Variants in NSMCE4A observed in about 807,000 individuals in gnomAD.
NSMCE4A encodes NSE4A component of SMC5/6 complex.
In NSMCE4A, 40 loss-of-function variants were observed where a neutral mutation model predicts 47.9. The ratio of observed to expected loss-of-function variants is 0.83; its 90% CI spans 0.65 to 1.09. The LOEUF (loss-of-function observed/expected upper bound fraction) is 1.09, where lower values mean the gene tolerates loss of function less well. NSMCE4A is among the 50% of genes least tolerant of loss of function. The probability of loss-of-function intolerance (pLI) is 0.00; values close to 1 mark genes in which losing one functional copy is unlikely to be tolerated. For synonymous variants in NSMCE4A, 166 were observed against 178.5 expected, an observed-to-expected ratio of 0.93 and a Z score of 0.56; for missense variants, 500 against 507.0, an observed-to-expected ratio of 0.99 and a Z score of 0.13.
At chr10:121,972,826 G>A (rs1052992481) in intron 2 of NSMCE4A, among the ~76,000 whole-genome samples, 1 of 152,132 alleles carries the variant, frequency 6.6e-6, no homozygotes, top group African/African-American at 2.4e-5. Flanking sequence ...GATGGGGAAT[G>A]GTAAGGAGGC....
chr10:121,974,676 C>T, intron 1 of NSMCE4A, 198 bp downstream of exon 1: 1 of 1,102,482 alleles, frequency 9.1e-7, no homozygotes, highest in Non-Finnish European at 1.1e-6. Flanking sequence ...GCGCCAAGGT[C>T]GTACGGCTCC....
At position 121,960,242 on chromosome 10, in the gene NSMCE4A, A is replaced by G. The variant is rs1477177280; in HGVS notation, c.988+116T>C. On this transcript the variant is annotated intron_variant, in intron 8 of 10. Coordinates refer to ENST00000369023, the MANE Select transcript of NSMCE4A (RefSeq NM_017615.3). This position sits in a 1 kb window ranked among gnomAD's most constrained non-coding sequence, Gnocchi z 4.2. ...ATCTTCAGGTAGTTGAGCAAGATAC[A>G]ATATTGTAAAAGTTAATCTACATTG... is the stretch of plus-strand genomic sequence containing the variant. 2.9e-6 allele frequency: 2 copies of G among 693,654 alleles called. No homozygotes were observed. The highest frequency in any genetic ancestry group is 3.3e-5 in the South Asian group (1 of 30,646). 43.0% of individuals were successfully genotyped at this position (693,654 alleles called of 1,614,324 possible). A position where few individuals can be genotyped will look rare whatever the true frequency, so the allele number is the denominator to read the frequency against.
intron 3 of NSMCE4A, among the ~76,000 whole-genome samples, chr10:121,969,636 C>T (rs1203872949): frequency 6.6e-6 from 1 of 152,044 alleles, no homozygotes; most frequent in Non-Finnish European, 1.5e-5. Flanking sequence ...ACATAAACAT[C>T]CAGTTAGAAA....
intron 7 of NSMCE4A, 58 bp downstream of exon 7, chr10:121,961,365 C>T (rs1194346571): frequency 8.2e-7 from 1 of 1,215,452 alleles, no homozygotes; most frequent in Non-Finnish European, 1.1e-6. Context: ...TACAGCTTTT[C>T]TTATGTAGCC....
At chr10:121,961,158 T>C (rs1164502020) in intron 7 of NSMCE4A, among the ~76,000 whole-genome samples, 1 of 152,236 alleles carries the variant, frequency 6.6e-6, no homozygotes, top group African/African-American at 2.4e-5. Flanking sequence ...TTAACATTTA[T>C]ACCATACTGT....
chr10:121,964,940 C>CG (rs887963588), intron 5 of NSMCE4A, among the ~76,000 whole-genome samples: 43 of 151,920 alleles, frequency 2.8e-4, no homozygotes, highest in Admixed American at 9.8e-4. Flanking sequence ...ACTCAGGGGT[C>CG]GGGGGGGCTA....
At chr10:121,964,575 C>T (rs552778710) in intron 5 of NSMCE4A, among the ~76,000 whole-genome samples, 65 of 152,166 alleles carry the variant, frequency 4.3e-4, no homozygotes, top group Middle Eastern at 3.4e-3. Context: ...CCGAATAGCC[C>T]GGACTACAGG....
At chr10:121,972,544 A>G (rs1952735187) in intron 2 of NSMCE4A, among the ~76,000 whole-genome samples, 1 of 152,178 alleles carries the variant, frequency 6.6e-6, no homozygotes, top group Non-Finnish European at 1.5e-5. Context: ...TAGGGCTCCA[A>G]TGAGTGAATA....
At chr10:121,959,437 C>A (rs1041653571) in intron 9 of NSMCE4A, 27 bp from the exon 10 acceptor site, 5 of 1,613,422 alleles carry the variant, frequency 3.1e-6, no homozygotes, top group Non-Finnish European at 4.2e-6. Flanking sequence ...AACATTTAGG[C>A]ACTGGGCTTA....
intron 4 of NSMCE4A, chr10:121,966,142 A>G (rs933802831): frequency 6.6e-6 from 1 of 152,212 alleles, no homozygotes; most frequent in African/African-American, 2.4e-5. Context: ...GGGCGCTTAG[A>G]GAGTACTGCT....
Position 121,965,386 on chromosome 10 carries a change from CTAATGAAAAG to C in NSMCE4A, c.654-11_654-2del, listed in dbSNP as rs750099730. On this transcript the variant is annotated splice_acceptor_variant and splice_polypyrimidine_tract_variant and intron_variant, in intron 4 of 10. Transcript: ENST00000369023. LOFTEE classifies it high-confidence loss of function. The stretch of plus-strand genomic sequence containing the variant: ...GCACTCTCCGTATATTGAACCCAAC[CTAATGAAAAG>C]TATGCTTTCATTTATTTTTTTTGCC... The C allele has an allele frequency of 3.7e-6, 6 of 1,603,230 alleles. No homozygotes were observed. The highest frequency in any genetic ancestry group is 2.7e-5 in the African/African-American group (2 of 74,454).
chr10:121,962,629 T>TC (rs1952523473), intron 6 of NSMCE4A, among the ~76,000 whole-genome samples: 1 of 151,282 alleles, frequency 6.6e-6, no homozygotes, highest in African/African-American at 2.4e-5. Flanking sequence ...CTTTTTTTTT[T>TC]CAGATGTAGT....
At position 121,975,016 on chromosome 10, in the gene NSMCE4A, TGGGGCCTCTCTGCGCTCC is replaced by T; in HGVS notation, c.132_149del (p.Arg47_Arg52del). ...CTGTGTCCTCCAGGCTCGGGCGCTC[TGGGGCCTCTCTGCGCTCC>T]CGCGCAGAGCCGCGGCGGGACCTGG... On this transcript the variant is annotated inframe_deletion, in exon 1 of 11. Transcript: ENST00000369023. 6.7e-7 allele frequency: 1 copy of T among 1,502,880 alleles called. No individual in the cohort carries two copies. The highest frequency in any genetic ancestry group is 1.5e-5 in the African/African-American group (1 of 68,856). 93.1% of individuals were successfully genotyped at this position (1,502,880 alleles called of 1,614,324 possible). A position where few individuals can be genotyped will look rare whatever the true frequency, so the allele number is the denominator to read the frequency against.
Position 121,967,564 on chromosome 10 carries a change from T to C in NSMCE4A, c.653+91A>G, listed in dbSNP as rs1197891276. 2.9e-6 allele frequency: 4 copies of C among 1,364,972 alleles called. No homozygotes were observed. In the East Asian group the frequency reaches 9.4e-5, roughly 32 times the overall value. 84.6% of individuals were successfully genotyped at this position (1,364,972 alleles called of 1,614,324 possible). A position where few individuals can be genotyped will look rare whatever the true frequency, so the allele number is the denominator to read the frequency against. On this transcript the variant is annotated intron_variant, in intron 4 of 10. Coordinates refer to ENST00000369023, the MANE Select transcript of NSMCE4A (RefSeq NM_017615.3). ...AAACAACGGCATCATGACTGTCACCTCTACAATACCAAATAATCTTTGTCC... is the reference window on the plus strand; with the variant it reads ...AAACAACGGCATCATGACTGTCACCCCTACAATACCAAATAATCTTTGTCC...
intron 3 of NSMCE4A, 35 bp downstream of exon 3, chr10:121,970,904 C>T: frequency 6.4e-7 from 1 of 1,551,300 alleles, no homozygotes; most frequent in Non-Finnish European, 8.7e-7. Context: ...TATAACAGAA[C>T]ATTTTTTATT....
At position 121,974,803 on chromosome 10, in the gene NSMCE4A, C is replaced by A. The variant is rs895808086; in HGVS notation, c.292+71G>T. 147 of 1,233,446 alleles carry A rather than the reference C, an allele frequency of 1.2e-4. No homozygotes were observed. In the African/African-American group the frequency reaches 2.1e-3, roughly 18 times the overall value. 76.4% of individuals were successfully genotyped at this position (1,233,446 alleles called of 1,614,324 possible). A position where few individuals can be genotyped will look rare whatever the true frequency, so the allele number is the denominator to read the frequency against. Reference sequence around the variant, plus strand: ...GCCCGGCACCTGCCTCCGGTGCCCTCCCCCCGCGCCCGGCGCAGGGCGGGG... The same window carrying A: ...GCCCGGCACCTGCCTCCGGTGCCCTACCCCCGCGCCCGGCGCAGGGCGGGG... On this transcript the variant is annotated intron_variant, in intron 1 of 10. Coordinates refer to ENST00000369023, the MANE Select transcript of NSMCE4A (RefSeq NM_017615.3).
chr10:121,961,331 C>G (rs1015805164), intron 7 of NSMCE4A, 92 bp downstream of exon 7: 2 of 810,986 alleles, frequency 2.5e-6, no homozygotes, highest in Non-Finnish European at 3.9e-6. Flanking sequence ...CTAGTGTATA[C>G]AGATACCTTT....
chr10:121,960,402 C>T lies in NSMCE4A; in HGVS notation c.944G>A (p.Gly315Asp). The stretch of plus-strand genomic sequence containing the variant: ...TTGGTCAAGTCTTATTCTTGCAAAA[C>T]CATCCTAAAACGAAAACATGATTTT... Reference protein sequence around the residue: ...IFHVSFIIRDGFARIRLDQDR... With the variant: ...IFHVSFIIRDDFARIRLDQDR... The change falls in exon 8 of 11, where the codon GGT becomes GAT. Residue 315 changes from glycine to aspartate, a missense_variant. By Grantham distance (94) the Gly-to-Asp change is moderately conservative. Coordinates refer to ENST00000369023, the MANE Select transcript of NSMCE4A (RefSeq NM_017615.3). The surrounding 1 kb of genome is among the most constrained non-coding windows in gnomAD (Gnocchi z 4.2). 1 of 1,504,974 alleles carries T rather than the reference C, an allele frequency of 6.6e-7. No homozygotes were observed. Among genetic ancestry groups the T allele is most frequent in the Non-Finnish European group, 8.8e-7 (1 of 1,140,556 alleles). The allele number at this position is 1,504,974 out of a possible 1,614,324, so 93.2% of individuals were successfully genotyped here. A position where few individuals can be genotyped will look rare whatever the true frequency, so the allele number is the denominator to read the frequency against.
rs772622316 is a variant in NSMCE4A, at chr10:121,963,258, T to G, written c.824A>C (p.Gln275Pro). Residue 275 changes from glutamine (Q) to proline (P), a missense_variant, in exon 6 of 11, where the codon CAG (glutamine) becomes CCG (proline). Physicochemically the swap from Gln to Pro is moderately conservative, Grantham distance 76 (BLOSUM62 -1). Transcript: ENST00000369023. ...KEVERILGLL[Q>P]TYFREDPDTP... ...CTTACGATCTTCTCGAAAATATGTC[T>G]GCAACAATCCCAAGATTCTTTCTAC... 1 of 1,609,426 alleles carries G rather than the reference T, an allele frequency of 6.2e-7. No homozygotes were observed. The highest frequency in any genetic ancestry group is 8.5e-7 in the Non-Finnish European group (1 of 1,176,032).
Sources: gnomAD v4.1 joint callset for allele counts (sites outside exome capture counted in the v4.1 genomes callset) on GRCh38, gnomAD v4.1.1 for gene constraint, Gnocchi (gnomAD v3.1) non-coding constraint, MANE v1.5 for transcripts, NCBI Gene and HGNC (gene_info 2026-07-23, HGNC 2026-07-21) for gene names.